Variants in SLC9B2 observed in about 807,000 individuals in gnomAD.
SLC9B2 encodes the protein solute carrier family 9 member B2.
SLC9B2 carries 39 observed loss-of-function variants against 52.2 expected under a neutral mutation model. The ratio of observed to expected loss-of-function variants is 0.75; its 90% confidence interval spans 0.58 to 0.98. SLC9B2 has a LOEUF of 0.98. Ranked by LOEUF, SLC9B2 falls within the 50% of genes least tolerant of loss-of-function variation. The pLI is 0.00. For synonymous variants in SLC9B2, 214 were observed against 227.0 expected (o/e 0.94, Z 0.51); for missense variants, 626 against 637.5 (o/e 0.98, Z 0.19).
chr4:103,062,347 A>G (rs1578476411), intron 3 of SLC9B2, among the ~76,000 whole-genome samples: 1 of 150,866 alleles, frequency 6.6e-6, no homozygotes, highest in African/African-American at 2.4e-5. Context: ...TGAACCCAGG[A>G]GGTGGAGCTT....
chr4:103,063,155 G>A (rs963930632), intron 3 of SLC9B2, among the ~76,000 whole-genome samples: 7 of 151,980 alleles, frequency 4.6e-5, no homozygotes, highest in Non-Finnish European at 8.8e-5. Flanking sequence ...CATTGTAAAC[G>A]TTTTAACTAT....
At chr4:103,033,289 A>C (rs1293079423) in intron 9 of SLC9B2, among the ~76,000 whole-genome samples, 1 of 152,158 alleles carries the variant, frequency 6.6e-6, no homozygotes, top group Non-Finnish European at 1.5e-5. Flanking sequence ...CTAACAGAAA[A>C]ATGGGCAATG....
chr4:103,019,689 G>A (rs1741651866), downstream of SLC9B2: 2 of 985,530 alleles, frequency 2.0e-6, no homozygotes, highest in South Asian at 4.7e-5. Flanking sequence ...AGGTGGGCAG[G>A]GTGGTGACGC....
chr4:103,075,062 G>A (rs1264520713), intron 1 of SLC9B2, among the ~76,000 whole-genome samples: 1 of 152,164 alleles, frequency 6.6e-6, no homozygotes, highest in Non-Finnish European at 1.5e-5. Flanking sequence ...GATAAAGGAT[G>A]ATAAATGATT....
intron 3 of SLC9B2, among the ~76,000 whole-genome samples, chr4:103,062,954 A>G (rs77956767): frequency 0.084 from 12,865 of 152,278 alleles, 672 homozygotes; most frequent in South Asian, 0.18. Context: ...AGGCACAGGA[A>G]AAAATATAGG....
intron 9 of SLC9B2, among the ~76,000 whole-genome samples, chr4:103,036,285 A>G (rs1560543690): frequency 6.6e-6 from 1 of 152,212 alleles, no homozygotes; most frequent in East Asian, 1.9e-4. Context: ...AGAAAACCAA[A>G]TACCACAGTT....
At chr4:103,040,333 C>T (rs777572118) in intron 9 of SLC9B2, among the ~76,000 whole-genome samples, 1 of 152,150 alleles carries the variant, frequency 6.6e-6, no homozygotes, top group Non-Finnish European at 1.5e-5. Context: ...ATTTCTATAT[C>T]AAATTATTTT....
chr4:103,021,588 C>T (rs1741794970), downstream of SLC9B2, among the ~76,000 whole-genome samples: 1 of 152,026 alleles, frequency 6.6e-6, no homozygotes, highest in African/African-American at 2.4e-5. Context: ...AAAGCAAAAG[C>T]TTTTGAGGAA....
intron 8 of SLC9B2, 69 bp downstream of exon 8, chr4:103,044,821 G>A (rs950215254): frequency 3.1e-5 from 38 of 1,234,834 alleles, no homozygotes; most frequent in Admixed American, 1.9e-4. Context: ...TGTCTTTGAA[G>A]GAAGTGTTCT....
chr4:103,028,615 A>G, intron 11 of SLC9B2, 132 bp downstream of exon 11: 2 of 1,121,774 alleles, frequency 1.8e-6, no homozygotes, highest in African/African-American at 1.7e-5. Context: ...AGAATAGATT[A>G]GGATAAACTC....
chr4:103,052,341 C>T (rs1458700025), intron 4 of SLC9B2, among the ~76,000 whole-genome samples: 1 of 152,260 alleles, frequency 6.6e-6, no homozygotes, highest in Non-Finnish European at 1.5e-5. Flanking sequence ...AATGCTCGCT[C>T]ACCTCCTGCC....
chr4:103,021,647 G>T (rs1365359503), downstream of SLC9B2, among the ~76,000 whole-genome samples: 1 of 152,116 alleles, frequency 6.6e-6, no homozygotes, highest in Non-Finnish European at 1.5e-5. Context: ...TACATGACAT[G>T]ATAAAAAAAG....
intron 3 of SLC9B2, among the ~76,000 whole-genome samples, chr4:103,064,155 A>G (rs945223131): frequency 6.6e-6 from 1 of 152,266 alleles, no homozygotes; most frequent in Non-Finnish European, 1.5e-5. Flanking sequence ...TATGTATCCA[A>G]AGGAAATGAA....
intron 5 of SLC9B2, among the ~76,000 whole-genome samples, chr4:103,049,863 T>G (rs928089770): frequency 3.3e-5 from 5 of 151,988 alleles, no homozygotes; most frequent in African/African-American, 1.2e-4. Context: ...AATACAAAAA[T>G]TAGCCGGGTG....
rs1743972176 is a variant in SLC9B2, at chr4:103,044,886, T to C, written c.996+4A>G. 2 of 1,608,040 alleles carry C rather than the reference T, an allele frequency of 1.2e-6. No individual in the cohort carries two copies. The highest frequency in any genetic ancestry group is 1.7e-5 in the Admixed American group (1 of 59,896). ...ACAACTTTCCCACATATTATTTCTT[T>C]CACCTGGTCACGGCTTGGAAAGTAC... On this transcript the variant is annotated splice_donor_region_variant and intron_variant, in intron 8 of 11. Transcript: ENST00000394785.
chr4:103,030,729 A>G (rs1742622939), intron 10 of SLC9B2, among the ~76,000 whole-genome samples: 1 of 152,092 alleles, frequency 6.6e-6, no homozygotes, highest in Non-Finnish European at 1.5e-5. Flanking sequence ...TTACCATCTT[A>G]ACCATTTTTA....
At chr4:103,020,769 T>G (rs1256612104), downstream of SLC9B2, among the ~76,000 whole-genome samples, 1 of 152,028 alleles carries the variant, frequency 6.6e-6, no homozygotes, top group Non-Finnish European at 1.5e-5. Context: ...TAGCTGGGAC[T>G]ACAGGTGGGC....
chr4:103,053,879 A>G (rs1744898706), intron 4 of SLC9B2, among the ~76,000 whole-genome samples: 1 of 151,900 alleles, frequency 6.6e-6, no homozygotes, highest in Non-Finnish European at 1.5e-5. Context: ...AATTTTTTGT[A>G]TTTTTAGTAG....
At chr4:103,048,632 C>G (rs897297482) in intron 6 of SLC9B2, 1 of 328,132 alleles carries the variant, frequency 3.0e-6, no homozygotes, top group African/African-American at 2.1e-5. Context: ...TCCGGTATCT[C>G]TTTAACAGGC....
Sources: gnomAD v4.1 joint callset for allele counts (sites outside exome capture counted in the v4.1 genomes callset) on GRCh38, gnomAD v4.1.1 for gene constraint, MANE v1.5 for transcripts, NCBI Gene and HGNC (gene_info 2026-07-23, HGNC 2026-07-21) for gene names.